FBXL7: variants seen among roughly 807,000 people sequenced by gnomAD.
FBXL7 encodes the protein F-box and leucine rich repeat protein 7, also known as F-box/LRR-repeat protein 7.
A neutral mutation model predicts 38.3 loss-of-function variants in FBXL7; 12 were observed. That is an observed-to-expected ratio of 0.31 (90% CI 0.20 to 0.51). The LOEUF is 0.51. Among genes scored for constraint, FBXL7 ranks in the 20% least tolerant of loss-of-function variants. The pLI is 0.98. For synonymous variants in FBXL7, 297 were observed against 300.9 expected (o/e 0.99, Z 0.13); for missense variants, 567 against 676.4 (o/e 0.84, Z 1.79).
chr5:15,894,744 A>C (rs534883997), intron 2 of FBXL7, among the ~76,000 whole-genome samples: 14 of 152,346 alleles, frequency 9.2e-5, no homozygotes, highest in African/African-American at 2.9e-4. Context: ...ACTGTTATTA[A>C]GCCTCAAAAA....
intron 1 of FBXL7, among the ~76,000 whole-genome samples, chr5:15,586,667 C>G (rs1397210316): frequency 6.6e-6 from 1 of 152,052 alleles, no homozygotes; most frequent in Admixed American, 6.6e-5. Context: ...AGGGATAGCA[C>G]CATTACACAT....
chr5:15,656,487 C>A (rs759814705), intron 2 of FBXL7, among the ~76,000 whole-genome samples: 3 of 151,994 alleles, frequency 2.0e-5, no homozygotes, highest in Admixed American at 1.3e-4. Flanking sequence ...GATGCAAAAA[C>A]GGAAATGATA....
Position 15,502,429 on chromosome 5 carries a change from C to T in FBXL7, c.37+1716C>T, listed in dbSNP as rs76549824. Among the ~76,000 whole-genome samples the T allele has an allele frequency of 6.2e-3, 945 of 152,248 alleles. 13 individuals are homozygous for T. The highest frequency in any genetic ancestry group is 0.021 in the African/African-American group (890 of 41,534). On this transcript the variant is annotated intron_variant, in intron 1 of 3. Coordinates refer to ENST00000504595, the MANE Select transcript of FBXL7 (RefSeq NM_012304.5). Reference sequence around the variant, plus strand: ...GGAACTAATGTTCTCCAGCTGTTATCCTTAAATGCTACCTCTGCATTTTCA... The same window carrying T: ...GGAACTAATGTTCTCCAGCTGTTATTCTTAAATGCTACCTCTGCATTTTCA...
At position 15,928,380 on chromosome 5, in the gene FBXL7, C is replaced by A; in HGVS notation, c.618C>A (p.Thr206=). 2.5e-6 allele frequency: 4 copies of A among 1,614,060 alleles called. No individual in the cohort carries two copies. Among genetic ancestry groups the A allele is most frequent in the Non-Finnish European group, 3.4e-6 (4 of 1,179,900 alleles). The change falls in exon 3 of 4, where the codon ACC becomes ACA. Residue 206 remains threonine (T), a synonymous_variant. Transcript: ENST00000504595. This position sits in a 1 kb window ranked among gnomAD's most constrained non-coding sequence, Gnocchi z 4.0. ...GGCTCACAGACCGAGGGCTGTACAC[C>A]ATCGCCCAGTGCTGCCCCGAACTGA... ...CRRLTDRGLY[T]IAQCCPELRR... is the part of the protein sequence containing the mutation.
intron 2 of FBXL7, among the ~76,000 whole-genome samples, chr5:15,715,423 G>A (rs1184778840): frequency 6.6e-6 from 1 of 150,650 alleles, no homozygotes; most frequent in Non-Finnish European, 1.5e-5. Context: ...CCTGGGAGTC[G>A]GAGTTTGCAG....
At chr5:15,539,219 G>A (rs1462539515) in intron 1 of FBXL7, among the ~76,000 whole-genome samples, 1 of 152,084 alleles carries the variant, frequency 6.6e-6, no homozygotes, top group Non-Finnish European at 1.5e-5. Flanking sequence ...TGACTTAGAC[G>A]GATCTTAGCT....
rs190984026 is a variant in FBXL7, at chr5:15,567,592, A to T, written c.38-48391A>T. ...AGTCTGTCTCTTTCTTCTTTTTTTT[A>T]TATATATATATTTTTTATTATACTT... is the stretch of plus-strand genomic sequence containing the variant. On this transcript the variant is annotated intron_variant, in intron 1 of 3. Transcript: ENST00000504595. Among the ~76,000 whole-genome samples the T allele has an allele frequency of 4.0e-5, 6 of 150,728 alleles. No individual in the cohort carries two copies. The South Asian group carries it at 6.3e-4, about 16-fold the overall frequency.
chr5:15,894,228 TCCAGCCTG>T (rs922687061), intron 2 of FBXL7, among the ~76,000 whole-genome samples: 4 of 152,204 alleles, frequency 2.6e-5, no homozygotes, highest in Non-Finnish European at 4.4e-5. Context: ...ACCATTGCGC[TCCAGCCTG>T]GGCAACAAGA....
At chr5:15,615,718 A>G (rs1361007482) in intron 1 of FBXL7, among the ~76,000 whole-genome samples, 1 of 152,200 alleles carries the variant, frequency 6.6e-6, no homozygotes, top group African/African-American at 2.4e-5. Context: ...TTATGTTATC[A>G]TATTTGACTA....
chr5:15,719,885 G>A (rs529634947), intron 2 of FBXL7, among the ~76,000 whole-genome samples: 27 of 148,870 alleles, frequency 1.8e-4, no homozygotes, highest in African/African-American at 6.6e-4. Flanking sequence ...GAACAACCAT[G>A]AAAGACATTT....
At chr5:15,906,237 T>A (rs1472801842) in intron 2 of FBXL7, among the ~76,000 whole-genome samples, 1 of 152,120 alleles carries the variant, frequency 6.6e-6, no homozygotes. Flanking sequence ...TGCTATGTTA[T>A]ATAGTTACAT....
At chr5:15,668,690 C>A (rs1742363674) in intron 2 of FBXL7, among the ~76,000 whole-genome samples, 1 of 152,106 alleles carries the variant, frequency 6.6e-6, no homozygotes, top group Non-Finnish European at 1.5e-5. Context: ...TTGCCCTGGC[C>A]TGCTAACCTC....
Position 15,936,963 on chromosome 5 carries a change from C to A in FBXL7, c.1253C>A (p.Thr418Lys). 2 of 1,614,034 alleles carry A rather than the reference C, an allele frequency of 1.2e-6. No individual in the cohort carries two copies. Among genetic ancestry groups the A allele is most frequent in the Non-Finnish European group, 1.7e-6 (2 of 1,179,882 alleles). The change falls in exon 4 of 4, where the codon ACG becomes AAG. Residue 418 changes from threonine (T) to lysine (K), a missense_variant. Thr to Lys is a moderately conservative substitution (Grantham distance 78, BLOSUM62 -1). Transcript: ENST00000504595. This position sits in a 1 kb window ranked among gnomAD's most constrained non-coding sequence, Gnocchi z 6.0. ...GGCAAATGCCCTTTGGTATCCGACACGGGCCTGGAGTGCCTGGCCCTGAAC... is the reference window on the plus strand; with the variant it reads ...GGCAAATGCCCTTTGGTATCCGACAAGGGCCTGGAGTGCCTGGCCCTGAAC... The part of the protein sequence containing the change: ...DIGKCPLVSD[T>K]GLECLALNCF...
At chr5:15,694,993 A>G (rs1743290217) in intron 2 of FBXL7, among the ~76,000 whole-genome samples, 1 of 152,214 alleles carries the variant, frequency 6.6e-6, no homozygotes, top group South Asian at 2.1e-4. Flanking sequence ...GAGCTTTAAC[A>G]AGAGCATTTA....
intron 2 of FBXL7, among the ~76,000 whole-genome samples, chr5:15,664,345 C>T (rs1188685777): frequency 2.0e-5 from 3 of 151,936 alleles, no homozygotes; most frequent in African/African-American, 7.3e-5. Flanking sequence ...GTTACCTAGA[C>T]ATACAATTGT....
At chr5:15,540,105 A>G (rs1423226284) in intron 1 of FBXL7, among the ~76,000 whole-genome samples, 3 of 152,280 alleles carry the variant, frequency 2.0e-5, no homozygotes, top group East Asian at 1.9e-4. Flanking sequence ...AGCTTCATCA[A>G]CAAGGAAAAT....
At position 15,831,582 on chromosome 5, in the gene FBXL7, T is replaced by A. The variant is rs563793557; in HGVS notation, c.128-96308T>A. Among the ~76,000 whole-genome samples, 8 of 152,292 alleles carry A rather than the reference T, an allele frequency of 5.3e-5. No homozygotes were observed. In the South Asian group the frequency reaches 1.7e-3, roughly 32 times the overall value. ...GACCCTGTTAAGCACAGAACTCTTA[T>A]AAAAGCTTTAATTGGCTAATGTGCA... On this transcript the variant is annotated intron_variant, in intron 2 of 3. Transcript: ENST00000504595.
At chr5:15,845,461 C>G (rs1222389776) in intron 2 of FBXL7, among the ~76,000 whole-genome samples, 1 of 151,900 alleles carries the variant, frequency 6.6e-6, no homozygotes, top group African/African-American at 2.4e-5. Context: ...CCTCCTCTTA[C>G]AAGCTGAGAA....
At chr5:15,605,555 A>C (rs564397414) in intron 1 of FBXL7, among the ~76,000 whole-genome samples, 20 of 152,300 alleles carry the variant, frequency 1.3e-4, no homozygotes, top group African/African-American at 4.6e-4. Context: ...GATCAAAAGC[A>C]GATTAGATGT....
Sources: allele counts gnomAD v4.1 joint callset (sites outside exome capture counted in the v4.1 genomes callset), GRCh38; gene constraint gnomAD v4.1.1; non-coding constraint Gnocchi (gnomAD v3.1); transcripts MANE v1.5; gene names NCBI Gene and HGNC (gene_info 2026-07-23, HGNC 2026-07-21).